The following TMEM267 variants were observed in gnomAD, a reference collection of about 807,000 sequenced individuals.
TMEM267 encodes the protein transmembrane protein C5orf28.
Under a neutral mutation model 19.3 loss-of-function variants are expected in TMEM267, and 20 were observed. The observed-to-expected ratio is 1.04, with a 90% CI of 0.73 to 1.51. The LOEUF (loss-of-function observed/expected upper bound fraction) is 1.51, where lower values mean the gene tolerates loss of function less well. Ranked by LOEUF, TMEM267 falls within the 40% of genes most tolerant of loss-of-function variation. The pLI is 0.00. For missense variants in TMEM267, 242 were observed against 261.9 expected, an observed-to-expected ratio of 0.92 and a Z score of 0.52; for synonymous variants, 88 against 90.3, an observed-to-expected ratio of 0.97 and a Z score of 0.15.
intron 2 of TMEM267, among the ~76,000 whole-genome samples, chr5:43,448,713 T>A: frequency 6.6e-6 from 1 of 151,550 alleles, no homozygotes; most frequent in East Asian, 1.9e-4. Flanking sequence ...GAGGTGGAGG[T>A]TGAGGTGAGC....
chr5:43,465,760 C>T (rs1743620270), intron 1 of TMEM267, among the ~76,000 whole-genome samples: 1 of 151,960 alleles, frequency 6.6e-6, no homozygotes, highest in South Asian at 2.1e-4. Flanking sequence ...ACAATGAGAA[C>T]ACATGGACAC....
In TMEM267 at chr5:43,464,115, T is replaced by C. The variant is rs529183919; in HGVS notation, c.-74-10072A>G. On this transcript the variant is annotated intron_variant, in intron 1 of 2. Transcript: ENST00000397080. ...AAGCAACTTCAGCAAAGTCTCAGGA[T>C]ACAAAATCAATGTACAAAAATCACA... Among the ~76,000 whole-genome samples the C allele has an allele frequency of 4.7e-3, 717 of 152,262 alleles. 5 individuals carry two copies. Among genetic ancestry groups the C allele is most frequent in the African/African-American group, 0.016 (645 of 41,528 alleles).
chr5:43,476,337 A>C (rs1268440808), intron 1 of TMEM267: 3 of 152,186 alleles, frequency 2.0e-5, no homozygotes, highest in Admixed American at 6.5e-5. Flanking sequence ...ATCCACATCC[A>C]GTATCCCTGT....
At chr5:43,466,584 C>T (rs1743692822) in intron 1 of TMEM267, among the ~76,000 whole-genome samples, 1 of 151,924 alleles carries the variant, frequency 6.6e-6, no homozygotes, top group Non-Finnish European at 1.5e-5. Context: ...CTGGTAATAG[C>T]AAGTACACAA....
rs1668319326 is a variant in TMEM267 at position 43,445,052 on chromosome 5, G to A, written c.*1170C>T. The stretch of plus-strand genomic sequence containing the variant: ...AACATTATAAATCACAAAAGTGTAA[G>A]AAAATCTGAAGACAGCAGATGCCAT... On this transcript the variant is annotated 3_prime_UTR_variant, in exon 3 of 3. Coordinates refer to ENST00000397080, the MANE Select transcript of TMEM267 (RefSeq NM_022483.5). The A allele has an allele frequency of 6.6e-6, 1 of 152,104 alleles. No homozygotes were observed. The highest frequency in any genetic ancestry group is 1.5e-5 in the Non-Finnish European group (1 of 68,010). The allele number at this position is 152,104 out of a possible 1,614,324, so 9.4% of individuals were successfully genotyped here.
intron 1 of TMEM267, among the ~76,000 whole-genome samples, chr5:43,464,597 C>T (rs201463004): frequency 1.6e-5 from 2 of 126,530 alleles, no homozygotes; most frequent in Admixed American, 8.1e-5. Context: ...GGTACTGGTA[C>T]CAAAACAGAG....
chr5:43,466,605 A>G (rs1008902560), intron 1 of TMEM267, among the ~76,000 whole-genome samples: 13 of 152,168 alleles, frequency 8.5e-5, no homozygotes, highest in African/African-American at 3.1e-4. Flanking sequence ...AAAAATAGAA[A>G]GTGAAAAAGT....
intron 1 of TMEM267, chr5:43,454,555 TAGAG>T (rs1303227522): frequency 6.6e-6 from 1 of 152,240 alleles, no homozygotes; most frequent in Non-Finnish European, 1.5e-5. Context: ...TGTCTTGTGG[TAGAG>T]AAAGTTCCTC....
chr5:43,446,694 T>A (rs1401823831), intron 2 of TMEM267, 137 bp from the exon 3 acceptor site: 2 of 489,980 alleles, frequency 4.1e-6, no homozygotes, highest in Admixed American at 3.7e-5. Context: ...CACTTCAGGA[T>A]ACATATACCA....
At chr5:43,458,570 T>A (rs1033322407) in intron 1 of TMEM267, among the ~76,000 whole-genome samples, 3 of 152,204 alleles carry the variant, frequency 2.0e-5, no homozygotes, top group Non-Finnish European at 4.4e-5. Context: ...GGGACGCATA[T>A]GTTCATTATC....
rs374425395 is a variant in TMEM267, at chr5:43,481,713, C to T, written c.-75+2109G>A. 9.2e-5 allele frequency among the ~76,000 whole-genome samples: 14 copies of T among 152,108 alleles called. 1 individual carries two copies. In the East Asian group the frequency reaches 1.5e-3, roughly 17 times the overall value. ...GAACTTGGAAGCAGATCCTTCAGCC[C>T]CAGTCAACCCTTCAGATGTCCGCAG... On this transcript the variant is annotated intron_variant, in intron 1 of 2. Transcript: ENST00000397080.
intron 1 of TMEM267, chr5:43,454,339 G>C (rs983132371): frequency 1.2e-5 from 2 of 171,186 alleles, no homozygotes; most frequent in African/African-American, 4.8e-5. Flanking sequence ...GCTGTGTGTA[G>C]TACATGGTGG....
intron 2 of TMEM267, among the ~76,000 whole-genome samples, chr5:43,450,155 G>A (rs148837379): frequency 1.2e-4 from 18 of 151,964 alleles, no homozygotes; most frequent in South Asian, 4.2e-4. Flanking sequence ...CCACCATGCC[G>A]GGCTAGTTTT....
chr5:43,467,983 C>T (rs979405347), intron 1 of TMEM267, among the ~76,000 whole-genome samples: 10 of 151,896 alleles, frequency 6.6e-5, no homozygotes, highest in Non-Finnish European at 1.3e-4. Context: ...TGTACCTGAG[C>T]GAGTTAGAAA....
chr5:43,476,884 A>G (rs1422751177), intron 1 of TMEM267, among the ~76,000 whole-genome samples: 2 of 151,574 alleles, frequency 1.3e-5, no homozygotes, highest in Non-Finnish European at 2.9e-5. Flanking sequence ...GTATAAGTAA[A>G]AAAAAAAAAA....
chr5:43,478,120 A>G (rs992703902), intron 1 of TMEM267, among the ~76,000 whole-genome samples: 3 of 152,216 alleles, frequency 2.0e-5, no homozygotes, highest in African/African-American at 4.8e-5. Flanking sequence ...TTGAACAGGA[A>G]ATGACCTGTC....
chr5:43,447,597 T>C (rs1020122266), intron 2 of TMEM267, among the ~76,000 whole-genome samples: 1 of 152,174 alleles, frequency 6.6e-6, no homozygotes, highest in Non-Finnish European at 1.5e-5. Flanking sequence ...ACATATCCTC[T>C]AAAAGTATTA....
At chr5:43,460,912 T>C (rs1743220059) in intron 1 of TMEM267, among the ~76,000 whole-genome samples, 1 of 152,168 alleles carries the variant, frequency 6.6e-6, no homozygotes, top group South Asian at 2.1e-4. Context: ...ACTGCAACCC[T>C]TAGGTGAGTC....
At chr5:43,473,401 AG>A (rs1464891630) in intron 1 of TMEM267, among the ~76,000 whole-genome samples, 2 of 152,318 alleles carry the variant, frequency 1.3e-5, no homozygotes, top group East Asian at 3.9e-4. Context: ...AAGCAACTTC[AG>A]CAAAGTCTCA....
Sources: gnomAD v4.1 joint callset for allele counts (sites outside exome capture counted in the v4.1 genomes callset) on GRCh38, gnomAD v4.1.1 for gene constraint, MANE v1.5 for transcripts, NCBI Gene and HGNC (gene_info 2026-07-23, HGNC 2026-07-21) for gene names.